Variants in DRICH1 observed in about 807,000 individuals in gnomAD.
DRICH1 encodes aspartate-rich protein 1.
In DRICH1, 38 loss-of-function variants were observed where a neutral mutation model predicts 39.5. That is an observed-to-expected ratio of 0.96 (90% CI 0.74 to 1.26). The LOEUF is 1.26. Ranked by LOEUF, DRICH1 falls within the 50% of genes most tolerant of loss-of-function variation. DRICH1 has a pLI of 0.00. For missense variants in DRICH1, 279 were observed against 270.4 expected, an observed-to-expected ratio of 1.03 and a Z score of -0.22; for synonymous variants, 84 against 99.5, an observed-to-expected ratio of 0.84 and a Z score of 0.93.
At chr22:23,591,237 G>A in the DRICH1 span, among the ~76,000 whole-genome samples, 1 of 152,128 alleles carries the variant, frequency 6.6e-6, no homozygotes, top group Admixed American at 6.5e-5. Context: ...TGAGTCCCAA[G>A]CAGAGATGTG....
At chr22:23,603,202 A>G in the DRICH1 span, among the ~76,000 whole-genome samples, 3 of 144,580 alleles carry the variant, frequency 2.1e-5, no homozygotes, top group African/African-American at 7.5e-5. Context: ...GACTTGATTA[A>G]AAGGCATGTA....
chr22:23,622,351 C>T (rs1399694118), intron 3 of DRICH1, among the ~76,000 whole-genome samples, 175 bp from the exon 4 acceptor site: 1 of 152,194 alleles, frequency 6.6e-6, no homozygotes, highest in Non-Finnish European at 1.5e-5. Flanking sequence ...GCAGGAAAGA[C>T]ATGAGACATG....
Position 23,632,215 on chromosome 22 carries a change from TGTC to T in DRICH1, c.-195_-193del. 2 of 891,350 alleles carry T rather than the reference TGTC, an allele frequency of 2.2e-6. No homozygotes were observed. The highest frequency in any genetic ancestry group is 3.3e-6 in the Non-Finnish European group (2 of 603,964). The allele number at this position is 891,350 out of a possible 1,614,324, so 55.2% of individuals were successfully genotyped here. On this transcript the variant is annotated 5_prime_UTR_variant, in exon 1 of 12. Transcript: ENST00000317749. ...CTGGTCTATGAGGTCAGGGACCTGC[TGTC>T]TTCTTTGAAAAATAAACGAACATGA...
chr22:23,593,968 ACT>A, the DRICH1 span, among the ~76,000 whole-genome samples: 4 of 143,294 alleles, frequency 2.8e-5, no homozygotes, highest in African/African-American at 1.0e-4. Flanking sequence ...ACAGAGCAAG[ACT>A]CTGTCTCAAA....
intron 5 of DRICH1, 119 bp from the exon 6 acceptor site, chr22:23,619,512 T>G: frequency 1.4e-6 from 1 of 712,796 alleles, no homozygotes; most frequent in Non-Finnish European, 2.6e-6. Context: ...GATTGAAATC[T>G]ACAAAAAACA....
intron 9 of DRICH1, 77 bp from the exon 10 acceptor site, chr22:23,613,737 C>A: frequency 8.6e-7 from 1 of 1,161,236 alleles, no homozygotes; most frequent in Non-Finnish European, 1.3e-6. Context: ...ATTCTCTGGA[C>A]AACGATAAAA....
At chr22:23,599,935 C>G in the DRICH1 span, among the ~76,000 whole-genome samples, 4 of 152,206 alleles carry the variant, frequency 2.6e-5, no homozygotes, top group Non-Finnish European at 5.9e-5. Flanking sequence ...TCACCTGGGG[C>G]TGGGCTAGGT....
intron 3 of DRICH1, 146 bp from the exon 4 acceptor site, chr22:23,622,322 G>GGGAT (rs1194236343): frequency 1.3e-6 from 1 of 775,664 alleles, no homozygotes; most frequent in Non-Finnish European, 2.3e-6. Flanking sequence ...GAGTGGAAGA[G>GGGAT]GGATGGCAGA....
chr22:23,585,928 AATAG>A, the DRICH1 span, among the ~76,000 whole-genome samples: 1 of 152,164 alleles, frequency 6.6e-6, no homozygotes, highest in Non-Finnish European at 1.5e-5. Flanking sequence ...TTTGTAACTC[AATAG>A]ATAGTTACTT....
intron 1 of DRICH1, among the ~76,000 whole-genome samples, chr22:23,626,495 G>A (rs1928072152): frequency 6.6e-6 from 1 of 152,072 alleles, no homozygotes; most frequent in African/African-American, 2.4e-5. Context: ...TGACTTCATT[G>A]CCCTTTTCCT....
At chr22:23,593,483 G>A in the DRICH1 span, among the ~76,000 whole-genome samples, 2 of 152,096 alleles carry the variant, frequency 1.3e-5, no homozygotes, top group Non-Finnish European at 2.9e-5. Flanking sequence ...TGGCCAACAT[G>A]GTGAAATCCC....
chr22:23,613,798 C>A, intron 9 of DRICH1, 138 bp from the exon 10 acceptor site: 1 of 655,820 alleles, frequency 1.5e-6, no homozygotes, highest in Non-Finnish European at 2.7e-6. Flanking sequence ...CCCCCAAAGA[C>A]TAGCACAGAG....
chr22:23,613,766 T>TG, intron 9 of DRICH1, 106 bp from the exon 10 acceptor site: 2 of 821,916 alleles, frequency 2.4e-6, no homozygotes, highest in Non-Finnish European at 3.9e-6. Flanking sequence ...GGCAGTATAG[T>TG]GATTGAGCCA....
chr22:23,632,778 T>G (rs1921039677), upstream of DRICH1: 1 of 151,946 alleles, frequency 6.6e-6, no homozygotes, highest in Non-Finnish European at 1.5e-5. Flanking sequence ...CTCGGCCTGG[T>G]GGCGGGCACC....
At chr22:23,618,672 G>C (rs116613501) in intron 6 of DRICH1, among the ~76,000 whole-genome samples, 1,560 of 152,118 alleles carry the variant, frequency 0.01, 25 homozygotes, top group African/African-American at 0.034. Flanking sequence ...AGCTGAGAGA[G>C]GTGACTCTGA....
At chr22:23,601,032 T>G in the DRICH1 span, among the ~76,000 whole-genome samples, 4 of 152,186 alleles carry the variant, frequency 2.6e-5, no homozygotes, top group Admixed American at 2.0e-4. Context: ...TAGGTTTTTA[T>G]CCAAACGGAA....
chr22:23,590,557 G>A, the DRICH1 span, among the ~76,000 whole-genome samples: 2 of 152,022 alleles, frequency 1.3e-5, no homozygotes, highest in Non-Finnish European at 2.9e-5. Flanking sequence ...GGGATTACAG[G>A]TGGGAGCCAC....
chr22:23,605,302 A>G (rs1371668548), downstream of DRICH1, among the ~76,000 whole-genome samples: 1 of 152,024 alleles, frequency 6.6e-6, no homozygotes, highest in Non-Finnish European at 1.5e-5. Flanking sequence ...TGTCCCCCCA[A>G]CAGGTCCTCC....
the DRICH1 span, among the ~76,000 whole-genome samples, chr22:23,594,134 A>G: frequency 6.6e-6 from 1 of 152,224 alleles, no homozygotes; most frequent in African/African-American, 2.4e-5. Flanking sequence ...AACTATCCCA[A>G]ATTGGAGAAA....
Sources: allele counts gnomAD v4.1 joint callset (sites outside exome capture counted in the v4.1 genomes callset), GRCh38; gene constraint gnomAD v4.1.1; transcripts MANE v1.5; gene names NCBI Gene and HGNC (gene_info 2026-07-23, HGNC 2026-07-21).